The following FARS2 variants were observed in gnomAD, a reference collection of about 807,000 sequenced individuals.
FARS2 encodes the protein phenylalanine--tRNA ligase, mitochondrial.
Under a neutral mutation model 46.4 loss-of-function variants are expected in FARS2, and 40 were observed. That is an observed-to-expected ratio of 0.86 (90% CI 0.67 to 1.12). The LOEUF is 1.12. Among genes scored for constraint, FARS2 ranks in the 50% most tolerant of loss-of-function variants. FARS2 has a pLI of 0.00. For missense variants in FARS2, 513 were observed against 567.9 expected (o/e 0.90, Z 0.98); for synonymous variants, 234 against 214.9 (o/e 1.09, Z -0.78).
intron 4 of FARS2, among the ~76,000 whole-genome samples, chr6:5,542,650 G>A (rs1315466309): frequency 6.6e-6 from 1 of 152,314 alleles, no homozygotes; most frequent in East Asian, 1.9e-4. Context: ...TCCCCTGGTG[G>A]TTAAGATGGC....
intron 5 of FARS2, among the ~76,000 whole-genome samples, chr6:5,555,336 T>G (rs527242702): frequency 6.6e-6 from 1 of 152,090 alleles, no homozygotes; most frequent in Non-Finnish European, 1.5e-5. Flanking sequence ...TAATACAGTG[T>G]GTAACACTGG....
intron 6 of FARS2, among the ~76,000 whole-genome samples, chr6:5,710,345 C>T (rs1290117288): frequency 6.6e-6 from 1 of 152,134 alleles, no homozygotes; most frequent in African/African-American, 2.4e-5. Context: ...TAAATGGGAC[C>T]CTTTGTGTAG....
intron 4 of FARS2, among the ~76,000 whole-genome samples, chr6:5,534,844 T>TACACACTTGCACGCGCACACAC (rs144943953): frequency 0.11 from 17,029 of 150,628 alleles, 1,021 homozygotes; most frequent in East Asian, 0.21. Flanking sequence ...CACGCACGCA[T>TACACACTTGCACGCGCACACAC]ACACACTTGC....
At chr6:5,725,733 C>T (rs921556939) in intron 6 of FARS2, among the ~76,000 whole-genome samples, 1 of 152,132 alleles carries the variant, frequency 6.6e-6, no homozygotes, top group Non-Finnish European at 1.5e-5. Flanking sequence ...CTCAGGAGTT[C>T]GAGACCAGCC....
intron 6 of FARS2, among the ~76,000 whole-genome samples, chr6:5,662,439 C>T (rs1271099264): frequency 6.6e-6 from 1 of 152,214 alleles, no homozygotes; most frequent in Non-Finnish European, 1.5e-5. Flanking sequence ...TAGTCACCCA[C>T]ACTGCTGACT....
chr6:5,470,473 T>G (rs756896506), intron 4 of FARS2, among the ~76,000 whole-genome samples: 1 of 152,210 alleles, frequency 6.6e-6, no homozygotes. Context: ...CAATTTCAGC[T>G]CTACACCAAA....
intron 1 of FARS2, among the ~76,000 whole-genome samples, chr6:5,346,017 A>G (rs540508408): frequency 2.6e-5 from 4 of 152,204 alleles, no homozygotes; most frequent in African/African-American, 9.6e-5. Context: ...GCGGTGTGGG[A>G]GAGCAGGCCT....
chr6:5,654,217 G>T (rs1221349350), intron 6 of FARS2, among the ~76,000 whole-genome samples: 1 of 152,178 alleles, frequency 6.6e-6, no homozygotes, highest in Non-Finnish European at 1.5e-5. Context: ...ATAGGTCAGT[G>T]TGGTCTGCTT....
intron 6 of FARS2, among the ~76,000 whole-genome samples, chr6:5,721,893 C>T (rs1280338132): frequency 6.6e-6 from 1 of 152,314 alleles, no homozygotes; most frequent in Middle Eastern, 3.4e-3. Flanking sequence ...ATCTCAGATG[C>T]ACATTTCCTT....
chr6:5,253,576 T>G, the FARS2 span, among the ~76,000 whole-genome samples: 1 of 152,170 alleles, frequency 6.6e-6, no homozygotes, highest in Admixed American at 6.5e-5. Context: ...TCATTTGGCC[T>G]AGGAACTGCT....
At chr6:5,533,322 A>G (rs1769981102) in intron 4 of FARS2, among the ~76,000 whole-genome samples, 2 of 152,238 alleles carry the variant, frequency 1.3e-5, no homozygotes, top group South Asian at 4.1e-4. Context: ...ACTTTATAAT[A>G]TGATAGATAA....
At chr6:5,553,906 G>A (rs954129840) in intron 5 of FARS2, among the ~76,000 whole-genome samples, 2 of 152,142 alleles carry the variant, frequency 1.3e-5, no homozygotes, top group African/African-American at 4.8e-5. Flanking sequence ...CAGGGTCTCA[G>A]CTGCATCGTC....
At chr6:5,467,074 G>A (rs1765555928) in intron 4 of FARS2, 2 of 985,140 alleles carry the variant, frequency 2.0e-6, no homozygotes, top group South Asian at 9.4e-5. Flanking sequence ...TATTCTGTAA[G>A]TTGAATAGTC....
intron 2 of FARS2, among the ~76,000 whole-genome samples, chr6:5,393,289 G>A (rs1260709893): frequency 6.6e-6 from 1 of 152,272 alleles, no homozygotes; most frequent in East Asian, 1.9e-4. Flanking sequence ...TGTGTGTAAA[G>A]GAGTGGTGGT....
At chr6:5,615,253 C>T (rs1334987269) in intron 6 of FARS2, among the ~76,000 whole-genome samples, 1 of 152,152 alleles carries the variant, frequency 6.6e-6, no homozygotes, top group Admixed American at 6.5e-5. Context: ...AGTAGGCTCT[C>T]CTTTGTCTGA....
intron 6 of FARS2, among the ~76,000 whole-genome samples, chr6:5,753,202 T>A (rs1347470531): frequency 1.3e-5 from 2 of 152,094 alleles, no homozygotes; most frequent in African/African-American, 2.4e-5. Context: ...GTGAAAACAT[T>A]ATGAATCAAA....
chr6:5,656,569 GA>G (rs1158554454), intron 6 of FARS2, among the ~76,000 whole-genome samples: 1 of 57,686 alleles, frequency 1.7e-5, no homozygotes, highest in Non-Finnish European at 3.4e-5. Context: ...TTTTTTTTTG[GA>G]GACAGAGTCT....
intron 6 of FARS2, among the ~76,000 whole-genome samples, chr6:5,714,070 TTG>T (rs1048625706): frequency 5.9e-5 from 9 of 151,506 alleles, no homozygotes; most frequent in South Asian, 4.2e-4. Flanking sequence ...AAACACGCCA[TTG>T]TGTGTGTGTG....
At chr6:5,365,225 C>A (rs1411500235) in intron 1 of FARS2, among the ~76,000 whole-genome samples, 1 of 149,812 alleles carries the variant, frequency 6.7e-6, no homozygotes, top group African/African-American at 2.5e-5. Context: ...GATGTATAAT[C>A]TCAATTAGAT....
Sources: gnomAD v4.1 joint callset for allele counts (sites outside exome capture counted in the v4.1 genomes callset) on GRCh38, gnomAD v4.1.1 for gene constraint, MANE v1.5 for transcripts, NCBI Gene and HGNC (gene_info 2026-07-23, HGNC 2026-07-21) for gene names.